The following DNER variants were observed in gnomAD, a reference collection of about 807,000 sequenced individuals.
DNER encodes the protein delta and Notch-like epidermal growth factor-related receptor.
A neutral mutation model predicts 78.2 loss-of-function variants in DNER; 33 were observed. The observed-to-expected ratio is 0.42, with a 90% CI of 0.32 to 0.56. The LOEUF is 0.56. Ranked by LOEUF, DNER falls within the 20% of genes least tolerant of loss-of-function variation. The probability of loss-of-function intolerance (pLI) is 0.11; values close to 1 mark genes in which losing one functional copy is unlikely to be tolerated. For missense variants in DNER, 918 were observed against 975.3 expected (o/e 0.94, Z 0.78); for synonymous variants, 417 against 384.8 (o/e 1.08, Z -0.98).
chr2:229,700,936 A>C (rs1278880685), intron 1 of DNER, among the ~76,000 whole-genome samples: 1 of 152,190 alleles, frequency 6.6e-6, no homozygotes, highest in Admixed American at 6.5e-5. Flanking sequence ...AAAATAGATT[A>C]AGGAAAACAT....
intron 1 of DNER, among the ~76,000 whole-genome samples, chr2:229,609,124 G>A (rs1006144890): frequency 1.3e-5 from 2 of 152,324 alleles, no homozygotes; most frequent in African/African-American, 4.8e-5. Flanking sequence ...TTGGGAGGCT[G>A]AGGCAGGAGA....
intron 1 of DNER, among the ~76,000 whole-genome samples, chr2:229,677,100 TCTC>T (rs1446319650): frequency 2.6e-5 from 4 of 152,158 alleles, no homozygotes; most frequent in African/African-American, 9.7e-5. Flanking sequence ...ATTACTATCT[TCTC>T]CTCACAGCTT....
rs1697773587 is a variant in DNER, at chr2:229,598,905, G to A, written c.277-7017C>T. On this transcript the variant is annotated intron_variant, in intron 1 of 12. Coordinates refer to ENST00000341772, the MANE Select transcript of DNER (RefSeq NM_139072.4). Reference sequence around the variant, plus strand: ...GGCCTCCTCCAGCTTGAAGACTTAAGATTCTATTGATAGCCACTAAGCTTG... The same window carrying A: ...GGCCTCCTCCAGCTTGAAGACTTAAAATTCTATTGATAGCCACTAAGCTTG... Among the ~76,000 whole-genome samples the A allele has an allele frequency of 4.6e-5, 7 of 152,204 alleles. 1 individual carries two copies. The South Asian group carries it at 1.5e-3, about 32-fold the overall frequency.
chr2:229,649,219 T>C (rs778663549), intron 1 of DNER, among the ~76,000 whole-genome samples: 13 of 152,240 alleles, frequency 8.5e-5, no homozygotes, highest in Non-Finnish European at 1.8e-4. Context: ...AACTGCACTT[T>C]CCTTTCTATT....
intron 1 of DNER, among the ~76,000 whole-genome samples, chr2:229,623,751 C>T (rs13393112): frequency 0.19 from 29,111 of 152,150 alleles, 3,189 homozygotes; most frequent in African/African-American, 0.27. Flanking sequence ...GAGTGGGGAC[C>T]TATGGATATC....
At chr2:229,590,655 G>A (rs944277789) in intron 2 of DNER, among the ~76,000 whole-genome samples, 1 of 152,280 alleles carries the variant, frequency 6.6e-6, no homozygotes, top group African/African-American at 2.4e-5. Flanking sequence ...GCTCCATAGC[G>A]CCTTCTACCA....
chr2:229,632,631 A>G (rs59699370), intron 1 of DNER, among the ~76,000 whole-genome samples: 4,777 of 152,306 alleles, frequency 0.031, 236 homozygotes, highest in African/African-American at 0.11. Flanking sequence ...AGAGGATAAG[A>G]ACATAAAGAA....
intron 5 of DNER, among the ~76,000 whole-genome samples, chr2:229,535,648 A>AT (rs879292749): frequency 2.3e-4 from 34 of 148,106 alleles, no homozygotes; most frequent in South Asian, 8.6e-4. Flanking sequence ...AGCCAGACTG[A>AT]TTTTTTTTTT....
chr2:229,553,681 C>T (rs1696792381), intron 4 of DNER, among the ~76,000 whole-genome samples: 1 of 152,196 alleles, frequency 6.6e-6, no homozygotes, highest in South Asian at 2.1e-4. Context: ...TTGTGAAAAG[C>T]CGCAGGTTCC....
Position 229,516,943 on chromosome 2 carries a change from T to A in DNER, c.994-4007A>T, listed in dbSNP as rs1055650244. Among the ~76,000 whole-genome samples the A allele has an allele frequency of 2.2e-5, 3 of 136,702 alleles. No individual in the cohort carries two copies. In the South Asian group the frequency reaches 7.4e-4, roughly 34 times the overall value. The allele number at this position is 136,702 out of a possible 152,430, so 89.7% of individuals were successfully genotyped here. ...CAACATGGTGAAACCCCGTCTCTAC[T>A]AAAAATACAAAAAAAAAATTAGCTG... On this transcript the variant is annotated intron_variant, in intron 5 of 12. Transcript: ENST00000341772.
At chr2:229,660,881 T>G (rs1450525766) in intron 1 of DNER, among the ~76,000 whole-genome samples, 1 of 152,098 alleles carries the variant, frequency 6.6e-6, no homozygotes, top group Non-Finnish European at 1.5e-5. Flanking sequence ...GTCTTAAAAC[T>G]GTGGAGTTTG....
At chr2:229,693,526 G>A (rs1490647062) in intron 1 of DNER, among the ~76,000 whole-genome samples, 1 of 152,078 alleles carries the variant, frequency 6.6e-6, no homozygotes, top group Non-Finnish European at 1.5e-5. Flanking sequence ...ACTCCCTAGG[G>A]ACTTGTTAAG....
At chr2:229,421,494 C>G (rs1693762557) in intron 8 of DNER, among the ~76,000 whole-genome samples, 1 of 149,662 alleles carries the variant, frequency 6.7e-6, no homozygotes, top group African/African-American at 2.4e-5. Context: ...CTATTATATA[C>G]AGATATATAT....
chr2:229,403,002 G>A (rs557885553), intron 10 of DNER, among the ~76,000 whole-genome samples: 3 of 152,330 alleles, frequency 2.0e-5, no homozygotes, highest in Non-Finnish European at 2.9e-5. Context: ...TTCAGCAAGA[G>A]AGGACAGAGT....
chr2:229,600,939 A>G (rs1697814906), intron 1 of DNER, among the ~76,000 whole-genome samples: 1 of 152,182 alleles, frequency 6.6e-6, no homozygotes, highest in Non-Finnish European at 1.5e-5. Context: ...TGACTCCAGA[A>G]TTTATAGCTT....
chr2:229,442,560 T>C lies in DNER; in HGVS notation c.1486+4756A>G, dbSNP rs559673039. On this transcript the variant is annotated intron_variant, in intron 8 of 12. Coordinates refer to ENST00000341772, the MANE Select transcript of DNER (RefSeq NM_139072.4). ...GTAAACTAGATAAAGTTTTTCTGGT[T>C]AATAACAGATGAAAGTTGTCCACTA... 2.6e-5 allele frequency among the ~76,000 whole-genome samples: 4 copies of C among 152,200 alleles called. No homozygotes were observed. In the South Asian group the frequency reaches 8.3e-4, roughly 32 times the overall value.
At chr2:229,467,527 C>T (rs1375427530) in intron 7 of DNER, among the ~76,000 whole-genome samples, 6 of 152,100 alleles carry the variant, frequency 3.9e-5, no homozygotes, top group Non-Finnish European at 7.4e-5. Context: ...GTCAGAGCCT[C>T]GACCTGAATA....
chr2:229,487,565 G>C (rs184964904), intron 6 of DNER, among the ~76,000 whole-genome samples: 8 of 152,180 alleles, frequency 5.3e-5, no homozygotes, highest in Non-Finnish European at 1.0e-4. Flanking sequence ...GATTAATTAA[G>C]GTGTTACACC....
At chr2:229,647,557 T>C (rs1698740539) in intron 1 of DNER, among the ~76,000 whole-genome samples, 1 of 152,212 alleles carries the variant, frequency 6.6e-6, no homozygotes, top group Non-Finnish European at 1.5e-5. Context: ...TGAAAATATA[T>C]GGTAAAGATG....
Sources: allele counts gnomAD v4.1 joint callset (sites outside exome capture counted in the v4.1 genomes callset), GRCh38; gene constraint gnomAD v4.1.1; transcripts MANE v1.5; gene names NCBI Gene and HGNC (gene_info 2026-07-23, HGNC 2026-07-21).